The following CA10 variants were observed in gnomAD, a reference collection of about 807,000 sequenced individuals.
The protein encoded by CA10 is carbonic anhydrase 10 (inactive).
CA10 carries 14 observed loss-of-function variants against 44.2 expected under a neutral mutation model. That is an observed-to-expected ratio of 0.32 (90% confidence interval 0.21 to 0.50). CA10 has a LOEUF of 0.50. Ranked by LOEUF, CA10 falls within the 20% of genes least tolerant of loss-of-function variation. The pLI, the probability that CA10 is intolerant of heterozygous loss-of-function variation, is 0.99. For missense variants in CA10, 350 were observed against 409.7 expected (o/e 0.85, Z 1.26); for synonymous variants, 159 against 141.6 (o/e 1.12, Z -0.87).
intron 4 of CA10, among the ~76,000 whole-genome samples, chr17:51,745,039 T>C (rs1213500609): frequency 1.3e-5 from 2 of 152,162 alleles, no homozygotes; most frequent in Admixed American, 1.3e-4. Flanking sequence ...CAAGCCTACA[T>C]TGGAGCAGTG....
intron 2 of CA10, among the ~76,000 whole-genome samples, chr17:52,004,442 A>G (rs1268230434): frequency 6.6e-6 from 1 of 151,954 alleles, no homozygotes; most frequent in Non-Finnish European, 1.5e-5. Context: ...TTTCTAAAAT[A>G]AGTATAACAT....
intron 3 of CA10, among the ~76,000 whole-genome samples, chr17:51,903,442 G>A (rs1021349009): frequency 1.6e-4 from 25 of 152,046 alleles, no homozygotes; most frequent in African/African-American, 5.6e-4. Flanking sequence ...CCTGTTCTCA[G>A]TTTATATATG....
chr17:51,731,380 A>G (rs1916713953), intron 4 of CA10, among the ~76,000 whole-genome samples: 1 of 152,170 alleles, frequency 6.6e-6, no homozygotes, highest in East Asian at 1.9e-4. Context: ...CGTCTCAAGA[A>G]AAAAAGAAAG....
intron 3 of CA10, among the ~76,000 whole-genome samples, chr17:51,840,191 A>C (rs1043978667): frequency 6.6e-6 from 1 of 152,174 alleles, no homozygotes; most frequent in Non-Finnish European, 1.5e-5. Flanking sequence ...CAGGTGAAGT[A>C]TTTAATACGG....
intron 2 of CA10, among the ~76,000 whole-genome samples, chr17:52,025,525 G>A (rs915415602): frequency 1.3e-5 from 2 of 151,848 alleles, no homozygotes; most frequent in Non-Finnish European, 2.9e-5. Flanking sequence ...ATTTTCCCAA[G>A]GTTCATTCAC....
intron 3 of CA10, among the ~76,000 whole-genome samples, chr17:51,891,761 A>C (rs1286194940): frequency 1.3e-5 from 2 of 152,174 alleles, no homozygotes; most frequent in African/African-American, 4.8e-5. Flanking sequence ...CCGCCCTGTC[A>C]TTCTGCACAG....
chr17:51,656,478 G>C (rs1366484758), intron 4 of CA10, among the ~76,000 whole-genome samples: 3 of 152,202 alleles, frequency 2.0e-5, no homozygotes, highest in African/African-American at 7.2e-5. Flanking sequence ...CTGATATCAG[G>C]AGCTTTGGTT....
intron 3 of CA10, among the ~76,000 whole-genome samples, chr17:51,908,996 G>A (rs555404354): frequency 2.6e-5 from 4 of 152,168 alleles, no homozygotes; most frequent in East Asian, 3.9e-4. Context: ...ATTTTTTGAC[G>A]TCATCTGGTT....
chr17:51,977,118 G>T (rs1355854545), intron 2 of CA10, among the ~76,000 whole-genome samples: 1 of 151,880 alleles, frequency 6.6e-6, no homozygotes, highest in African/African-American at 2.4e-5. Flanking sequence ...ATATTTAAGA[G>T]CTGTACAATA....
In CA10 at chr17:51,948,918, C is replaced by T. The variant is rs369813121; in HGVS notation, c.137-17786G>A. Among the ~76,000 whole-genome samples, 40 of 152,146 alleles carry T rather than the reference C, an allele frequency of 2.6e-4. 2 individuals are homozygous for T. The highest frequency in any genetic ancestry group is 1.9e-3 in the East Asian group (10 of 5,178). ...ATTAATCTGCATCTATTAAAAAGAA[C>T]ATGATAGATCACTATTACTGTCCAG... On this transcript the variant is annotated intron_variant, in intron 2 of 8. Coordinates refer to ENST00000451037, the MANE Select transcript of CA10 (RefSeq NM_020178.5).
Position 52,112,039 on chromosome 17 carries a change from C to T in CA10, c.62-39646G>A, listed in dbSNP as rs143576953. On this transcript the variant is annotated intron_variant, in intron 1 of 8. Coordinates refer to ENST00000451037, the MANE Select transcript of CA10 (RefSeq NM_020178.5). Reference sequence around the variant, plus strand: ...ATGGGGATTTTATACATCATCATCACCCTCATGAAGTCAAGGAAATGAATG... The same window carrying T: ...ATGGGGATTTTATACATCATCATCATCCTCATGAAGTCAAGGAAATGAATG... Among the ~76,000 whole-genome samples, 440 of 152,156 alleles carry T rather than the reference C, an allele frequency of 2.9e-3. 3 individuals are homozygous for T. The highest frequency in any genetic ancestry group is 0.01 in the Middle Eastern group (3 of 294).
chr17:51,720,514 T>C (rs1452689548), intron 4 of CA10, among the ~76,000 whole-genome samples: 2 of 152,164 alleles, frequency 1.3e-5, no homozygotes, highest in Non-Finnish European at 1.5e-5. Context: ...TAAAAAGTCT[T>C]GAACAACAAA....
intron 2 of CA10, among the ~76,000 whole-genome samples, chr17:51,977,526 TG>T (rs991211137): frequency 6.6e-6 from 1 of 151,932 alleles, no homozygotes; most frequent in Non-Finnish European, 1.5e-5. Flanking sequence ...AAACTAGAAA[TG>T]GGGGGAAGTC....
intron 2 of CA10, among the ~76,000 whole-genome samples, chr17:51,983,004 G>A (rs371463755): frequency 4.0e-5 from 6 of 151,642 alleles, no homozygotes; most frequent in African/African-American, 1.2e-4. Flanking sequence ...ATTTTTTCTC[G>A]AGTTTTCCTC....
intron 4 of CA10, among the ~76,000 whole-genome samples, chr17:51,676,138 T>A (rs1032413908): frequency 6.6e-6 from 1 of 152,228 alleles, no homozygotes; most frequent in Non-Finnish European, 1.5e-5. Context: ...ATTTTGGGTA[T>A]ATACCTATGA....
chr17:52,139,394 A>C (rs902275915), intron 1 of CA10, among the ~76,000 whole-genome samples: 2 of 151,730 alleles, frequency 1.3e-5, no homozygotes, highest in African/African-American at 2.4e-5. Flanking sequence ...TCGCCTCTGC[A>C]TTATCTAGAA....
At chr17:51,873,320 T>C (rs1340284714) in intron 3 of CA10, among the ~76,000 whole-genome samples, 1 of 152,196 alleles carries the variant, frequency 6.6e-6, no homozygotes, top group African/African-American at 2.4e-5. Flanking sequence ...GTTTGTACCA[T>C]CTTGTTAAAC....
In CA10 at chr17:51,657,301, TGCATGAACA is replaced by T. The variant is rs138369208; in HGVS notation, c.466-3574_466-3566del. ...ATAACCTGGGACCTGTATCAGTTCA[TGCATGAACA>T]GCAGGTCTTAACCATGAAAAAGTGC... On this transcript the variant is annotated intron_variant, in intron 4 of 8. Coordinates refer to ENST00000451037, the MANE Select transcript of CA10 (RefSeq NM_020178.5). 8.8e-3 allele frequency among the ~76,000 whole-genome samples: 1,339 copies of T among 152,340 alleles called. 27 individuals are homozygous for T. Among genetic ancestry groups the T allele is most frequent in the African/African-American group, 0.031 (1,275 of 41,582 alleles).
rs1176862493 is a variant in CA10 at position 51,717,825 on chromosome 17, G to GTATATATACA, written c.465+29807_465+29808insTGTATATATA. On this transcript the variant is annotated intron_variant, in intron 4 of 8. Transcript: ENST00000451037. Reference sequence around the variant, plus strand: ...TATATATATACACGTATATATATGTGTGTGTATATATATATATATATATAT... The same window carrying GTATATATACA: ...TATATATATACACGTATATATATGTGTATATATACATGTGTATATATATATATATATATAT... 2.1e-3 allele frequency among the ~76,000 whole-genome samples: 28 copies of GTATATATACA among 13,036 alleles called. 1 individual carries two copies. The highest frequency in any genetic ancestry group is 9.1e-3 in the Admixed American group (7 of 766). The allele number at this position is 13,036 out of a possible 152,430, so 8.6% of individuals were successfully genotyped here. A position where few individuals can be genotyped will look rare whatever the true frequency, so the allele number is the denominator to read the frequency against.
Sources: gnomAD v4.1 joint callset for allele counts (sites outside exome capture counted in the v4.1 genomes callset) on GRCh38, gnomAD v4.1.1 for gene constraint, MANE v1.5 for transcripts, NCBI Gene and HGNC (gene_info 2026-07-23, HGNC 2026-07-21) for gene names.